The following MLYCD variants were observed in gnomAD, a reference collection of about 807,000 sequenced individuals.
The protein encoded by MLYCD is malonyl-CoA decarboxylase, mitochondrial.
Under a neutral mutation model 35.8 loss-of-function variants are expected in MLYCD, and 27 were observed. The observed-to-expected ratio is 0.75, with a 90% CI of 0.56 to 1.04. The LOEUF (loss-of-function observed/expected upper bound fraction) is 1.04. MLYCD is among the 50% of genes least tolerant of loss of function. The pLI, the probability that MLYCD is intolerant of heterozygous loss-of-function variation, is 0.00. For missense variants in MLYCD, 917 were observed against 665.1 expected, an observed-to-expected ratio of 1.38 and a Z score of -4.17; for synonymous variants, 403 against 302.4, an observed-to-expected ratio of 1.33 and a Z score of -3.45.
chr16:83,918,934 CAGG>C lies in MLYCD; in HGVS notation c.*3448_*3450del, dbSNP rs1907540505. ...CAGGAGAATATGCATAAACAGTTCA[CAGG>C]AGAACACGCACACACAGTGCATAGA... On this transcript the variant is annotated 3_prime_UTR_variant, in exon 5 of 5. Transcript: ENST00000262430. The C allele has an allele frequency of 6.7e-6, 1 of 148,432 alleles. No homozygotes were observed. Among genetic ancestry groups the C allele is most frequent in the African/African-American group, 2.5e-5 (1 of 39,456 alleles). The allele number at this position is 148,432 out of a possible 1,614,324, so 9.2% of individuals were successfully genotyped here. A position where few individuals can be genotyped will look rare whatever the true frequency, so the allele number is the denominator to read the frequency against.
chr16:83,911,064 C>T (rs1003914387), intron 3 of MLYCD, among the ~76,000 whole-genome samples: 4 of 152,180 alleles, frequency 2.6e-5, no homozygotes, highest in African/African-American at 7.2e-5. Context: ...GCAACCTCCG[C>T]CTCCCGGGTT....
At position 83,916,181 on chromosome 16, in the gene MLYCD, A is replaced by C. The variant is rs918900675; in HGVS notation, c.*692A>C. The stretch of plus-strand genomic sequence containing the variant: ...AACACGTTTGTTCTGTAAAGCATTG[A>C]ACATCTGATTGTGTAGTGGTGGTCG... On this transcript the variant is annotated 3_prime_UTR_variant, in exon 5 of 5. Transcript: ENST00000262430. The C allele has an allele frequency of 2.0e-6, 2 of 989,490 alleles. No individual in the cohort carries two copies. Among genetic ancestry groups the C allele is most frequent in the African/African-American group, 3.5e-5 (2 of 57,330 alleles). 61.3% of individuals were successfully genotyped at this position (989,490 alleles called of 1,614,324 possible).
chr16:83,902,504 A>AT (rs67006643), intron 1 of MLYCD, among the ~76,000 whole-genome samples: 90,273 of 127,260 alleles, frequency 0.71, 34,309 homozygotes, highest in South Asian at 0.83. Context: ...TTTTAATCTG[A>AT]TTTTTTTTTT....
rs1051965557 is a variant in MLYCD, at chr16:83,922,077, C to T, written c.*6588C>T. On this transcript the variant is annotated 3_prime_UTR_variant, in exon 5 of 5. Coordinates refer to ENST00000262430, the MANE Select transcript of MLYCD (RefSeq NM_012213.3). ...AAGTGCCCAGCAGTGTTGGGCTCAC[C>T]GTAGCTGCACAATAAATTGTCATGA... The T allele has an allele frequency of 2.0e-5, 3 of 152,168 alleles. No homozygotes were observed. The highest frequency in any genetic ancestry group is 2.4e-5 in the African/African-American group (1 of 41,422). 9.4% of individuals were successfully genotyped at this position (152,168 alleles called of 1,614,324 possible).
Position 83,906,978 on chromosome 16 carries a change from C to T in MLYCD, c.529-9C>T. ...ATTGGAGGCCTGGGATTTATCTTCT[C>T]CTTTTCAGGAAATGAATGGGGTGCT... is the stretch of plus-strand genomic sequence containing the variant. On this transcript the variant is annotated splice_polypyrimidine_tract_variant and intron_variant, in intron 1 of 4. Transcript: ENST00000262430. The T allele has an allele frequency of 3.7e-6, 6 of 1,612,534 alleles. No homozygotes were observed. Among genetic ancestry groups the T allele is most frequent in the South Asian group, 1.1e-5 (1 of 91,046 alleles).
In MLYCD at chr16:83,907,008, G is replaced by A; in HGVS notation, c.550G>A (p.Gly184Arg). Residue 184 changes from glycine to arginine, a missense_variant, in exon 2 of 5, where the codon GGA (glycine) becomes AGA (arginine). Gly to Arg is a moderately radical substitution (Grantham distance 125). Transcript: ENST00000262430. ...DVREMNGVLK[G>R]MLSEWFSSGF... ...TCAGGAAATGAATGGGGTGCTGAAA[G>A]GAATGCTCTCAGAATGGTTTTCCTC... is the stretch of plus-strand genomic sequence containing the variant. The A allele has an allele frequency of 6.2e-7, 1 of 1,614,142 alleles. No homozygotes were observed. Among genetic ancestry groups the A allele is most frequent in the African/African-American group, 1.3e-5 (1 of 75,040 alleles).
chr16:83,907,274 A>T (rs1451752285), intron 2 of MLYCD, among the ~76,000 whole-genome samples, 175 bp downstream of exon 2: 2 of 152,170 alleles, frequency 1.3e-5, no homozygotes, highest in Non-Finnish European at 2.9e-5. Flanking sequence ...ACATGATACT[A>T]AGATTATGGA....
intron 2 of MLYCD, among the ~76,000 whole-genome samples, chr16:83,907,808 G>A (rs572615760): frequency 3.0e-3 from 457 of 152,250 alleles, no homozygotes; most frequent in African/African-American, 0.01. Context: ...GGAAAGAAAA[G>A]ACAGTGTTCA....
chr16:83,915,872 T>G lies in MLYCD; in HGVS notation c.*383T>G, dbSNP rs1907366743. The G allele has an allele frequency of 8.5e-7, 1 of 1,175,898 alleles. No homozygotes were observed. Among genetic ancestry groups the G allele is most frequent in the Non-Finnish European group, 1.1e-6 (1 of 939,924 alleles). 72.8% of individuals were successfully genotyped at this position (1,175,898 alleles called of 1,614,324 possible). A position where few individuals can be genotyped will look rare whatever the true frequency, so the allele number is the denominator to read the frequency against. On this transcript the variant is annotated 3_prime_UTR_variant, in exon 5 of 5. Coordinates refer to ENST00000262430, the MANE Select transcript of MLYCD (RefSeq NM_012213.3). The stretch of plus-strand genomic sequence containing the variant: ...GCATCCTCCTAAGGACCGGGGCGCG[T>G]GGCCCAGATAAGAATAGGTGTTCCT...
chr16:83,920,391 G>A lies in MLYCD; in HGVS notation c.*4902G>A, dbSNP rs966096520. ...CCTGTGAACAGTTGACAGACCTAAA[G>A]CCAGCCAGAATGTTCTGTGTCAGAG... On this transcript the variant is annotated 3_prime_UTR_variant, in exon 5 of 5. Transcript: ENST00000262430. 8.5e-5 allele frequency: 13 copies of A among 152,222 alleles called. No homozygotes were observed. The highest frequency in any genetic ancestry group is 1.2e-4 in the Non-Finnish European group (8 of 68,058). The allele number at this position is 152,222 out of a possible 1,614,324, so 9.4% of individuals were successfully genotyped here. A position where few individuals can be genotyped will look rare whatever the true frequency, so the allele number is the denominator to read the frequency against.
chr16:83,915,318 G>A lies in MLYCD; in HGVS notation c.1311G>A (p.Ala437=), dbSNP rs746028291. 88 of 1,613,790 alleles carry A rather than the reference G, an allele frequency of 5.5e-5. No homozygotes were observed. Among genetic ancestry groups the A allele is most frequent in the Non-Finnish European group, 6.6e-5 (78 of 1,179,968 alleles). The part of the protein sequence containing the change: ...GAVLWRINWM[A]DVSLRGITGS... ...TGCTGTGGCGCATCAACTGGATGGC[G>A]GATGTGAGCCTCAGAGGCATCACCG... The change falls in exon 5 of 5, where the codon GCG becomes GCA. Residue 437 remains alanine (A), a synonymous_variant. Transcript: ENST00000262430.
Position 83,919,024 on chromosome 16 carries a change from C to T in MLYCD, c.*3535C>T, listed in dbSNP as rs906233818. The T allele has an allele frequency of 6.8e-6, 1 of 146,306 alleles. No homozygotes were observed. Among genetic ancestry groups the T allele is most frequent in the African/African-American group, 2.6e-5 (1 of 38,720 alleles). The allele number at this position is 146,306 out of a possible 1,614,324, so 9.1% of individuals were successfully genotyped here. A position where few individuals can be genotyped will look rare whatever the true frequency, so the allele number is the denominator to read the frequency against. ...CAGGAGAATACGCACACACAGTGCACAGGAGAACATACACGCAGTACACAG... is the reference window on the plus strand; with the variant it reads ...CAGGAGAATACGCACACACAGTGCATAGGAGAACATACACGCAGTACACAG... On this transcript the variant is annotated 3_prime_UTR_variant, in exon 5 of 5. Transcript: ENST00000262430.
chr16:83,908,314 G>A, intron 3 of MLYCD, 32 bp downstream of exon 3: 1 of 1,612,702 alleles, frequency 6.2e-7, no homozygotes, highest in Non-Finnish European at 8.5e-7. Context: ...GGACAAGATG[G>A]GCACCCCATA....
rs1022071039 is a variant in MLYCD, at chr16:83,899,685, C to G, written c.528+13C>G. 6.6e-6 allele frequency: 10 copies of G among 1,509,722 alleles called. No homozygotes were observed. Among genetic ancestry groups the G allele is most frequent in the Non-Finnish European group, 8.8e-6 (10 of 1,134,832 alleles). The allele number at this position is 1,509,722 out of a possible 1,614,324, so 93.5% of individuals were successfully genotyped here. A position where few individuals can be genotyped will look rare whatever the true frequency, so the allele number is the denominator to read the frequency against. On this transcript the variant is annotated intron_variant, in intron 1 of 4. Coordinates refer to ENST00000262430, the MANE Select transcript of MLYCD (RefSeq NM_012213.3). The stretch of plus-strand genomic sequence containing the variant: ...GCCGGACGTCCGGGTAAGGGGCCGC[C>G]GTCGATCCCCCGGCAGCGCGGACTG...
intron 4 of MLYCD, chr16:83,913,248 T>C (rs1007902862): frequency 2.0e-5 from 3 of 152,218 alleles, no homozygotes; most frequent in Non-Finnish European, 2.9e-5. Flanking sequence ...CACGCCGCCA[T>C]GTTTCCCCCG....
At chr16:83,914,469 CCA>C (rs1907298742) in intron 4 of MLYCD, 2 of 234,712 alleles carry the variant, frequency 8.5e-6, no homozygotes, top group Admixed American at 1.0e-4. Flanking sequence ...GCACCGAGCC[CCA>C]CTCCCCACTG....
intron 2 of MLYCD, among the ~76,000 whole-genome samples, chr16:83,907,490 C>T (rs926760415): frequency 6.6e-6 from 1 of 152,160 alleles, no homozygotes; most frequent in Admixed American, 6.5e-5. Flanking sequence ...TAAGATTTCT[C>T]CCTGAGTTAA....
chr16:83,905,890 C>G (rs970449677), intron 1 of MLYCD, among the ~76,000 whole-genome samples: 16 of 152,236 alleles, frequency 1.1e-4, no homozygotes, highest in South Asian at 2.1e-4. Flanking sequence ...CGACGCTGCT[C>G]CTGCTCAGGG....
rs372332697 is a variant in MLYCD, at chr16:83,919,982, G to A, written c.*4493G>A. On this transcript the variant is annotated 3_prime_UTR_variant, in exon 5 of 5. Coordinates refer to ENST00000262430, the MANE Select transcript of MLYCD (RefSeq NM_012213.3). Reference sequence around the variant, plus strand: ...ATTCACAGGACACAACAGAACACACGCAGTGCACAGGACACAACAGAACAC... The same window carrying A: ...ATTCACAGGACACAACAGAACACACACAGTGCACAGGACACAACAGAACAC... 14 of 149,030 alleles carry A rather than the reference G, an allele frequency of 9.4e-5. No homozygotes were observed. In the East Asian group the frequency reaches 2.1e-3, roughly 22 times the overall value. The allele number at this position is 149,030 out of a possible 1,614,324, so 9.2% of individuals were successfully genotyped here.
Sources: allele counts gnomAD v4.1 joint callset (sites outside exome capture counted in the v4.1 genomes callset), GRCh38; gene constraint gnomAD v4.1.1; transcripts MANE v1.5; gene names NCBI Gene and HGNC (gene_info 2026-07-23, HGNC 2026-07-21).